EIF3K: variants seen among roughly 807,000 people sequenced by gnomAD.
EIF3K encodes the protein eIF-3 p28.
In EIF3K, 27 loss-of-function variants were observed where a neutral mutation model predicts 34.2. The observed-to-expected ratio is 0.79, with a 90% CI of 0.58 to 1.09. The LOEUF (loss-of-function observed/expected upper bound fraction) is 1.09, where lower values mean the gene tolerates loss of function less well. EIF3K is among the 50% of genes least tolerant of loss of function. EIF3K has a pLI of 0.00. For synonymous variants in EIF3K, 105 were observed against 105.7 expected (o/e 0.99, Z 0.04); for missense variants, 232 against 275.4 (o/e 0.84, Z 1.11).
At chr19:38,627,756 A>C (rs1975978793) in intron 4 of EIF3K, among the ~76,000 whole-genome samples, 1 of 151,694 alleles carries the variant, frequency 6.6e-6, no homozygotes, top group East Asian at 1.9e-4. Context: ...AGAAAGTAAC[A>C]CAGAGGATCC....
chr19:38,636,442 C>T (rs889949200), intron 7 of EIF3K, among the ~76,000 whole-genome samples: 6 of 152,092 alleles, frequency 3.9e-5, no homozygotes, highest in African/African-American at 1.4e-4. Flanking sequence ...AAGATCGCTC[C>T]ACTGCACTAC....
At chr19:38,625,991 T>C (rs538490810) in intron 3 of EIF3K, 37 bp from the exon 4 acceptor site, 1 of 1,608,144 alleles carries the variant, frequency 6.2e-7, no homozygotes, top group Admixed American at 1.7e-5. Flanking sequence ...AACCTTACGC[T>C]CCGAGGCCAG....
At chr19:38,629,605 T>G (rs1976019324) in intron 4 of EIF3K, among the ~76,000 whole-genome samples, 1 of 152,168 alleles carries the variant, frequency 6.6e-6, no homozygotes, top group Non-Finnish European at 1.5e-5. Context: ...CAAATCTGGA[T>G]TTCTGCCCAC....
At chr19:38,633,482 G>A (rs904213756) in intron 6 of EIF3K, among the ~76,000 whole-genome samples, 7 of 152,208 alleles carry the variant, frequency 4.6e-5, no homozygotes, top group African/African-American at 1.7e-4. Flanking sequence ...CGGATCATCT[G>A]TGGTCAGGAG....
At chr19:38,632,558 C>CG in intron 5 of EIF3K, 43 bp from the exon 6 acceptor site, 2 of 1,613,474 alleles carry the variant, frequency 1.2e-6, no homozygotes, top group Admixed American at 1.7e-5. Context: ...CAGCCAGGTC[C>CG]GGGGGGACAG....
chr19:38,632,764 G>C (rs1467067800), intron 6 of EIF3K, 86 bp downstream of exon 6: 20 of 1,289,094 alleles, frequency 1.6e-5, no homozygotes, highest in Non-Finnish European at 2.1e-5. Context: ...CAACAGGCCT[G>C]TCTGGGTCTC....
chr19:38,620,765 A>G (rs1035671257), intron 2 of EIF3K, among the ~76,000 whole-genome samples: 5 of 152,062 alleles, frequency 3.3e-5, no homozygotes. Flanking sequence ...GTGGTGCCAC[A>G]TGCCTGTAAT....
At position 38,634,732 on chromosome 19, in the gene EIF3K, CAG is replaced by C. The variant is rs570869625; in HGVS notation, c.500-258_500-257del. On this transcript the variant is annotated intron_variant, in intron 6 of 7. Transcript: ENST00000248342. ...CCAAAATTTGCCCAGGGAGAGAAAA[CAG>C]AGGAATAGAAATTAAGGCAGAAGCC... Among the ~76,000 whole-genome samples the C allele has an allele frequency of 3.1e-3, 475 of 152,188 alleles. 2 individuals are homozygous for C. The highest frequency in any genetic ancestry group is 0.01 in the African/African-American group (430 of 41,526).
At chr19:38,623,351 T>A (rs1975882882) in intron 2 of EIF3K, among the ~76,000 whole-genome samples, 1 of 152,226 alleles carries the variant, frequency 6.6e-6, no homozygotes, top group African/African-American at 2.4e-5. Flanking sequence ...GTATTTTTAG[T>A]AGAGACAGGG....
chr19:38,635,327 C>T (rs1976166752), intron 7 of EIF3K: 4 of 689,496 alleles, frequency 5.8e-6, no homozygotes, highest in Non-Finnish European at 9.6e-6. Flanking sequence ...AACTTCTAGG[C>T]CCTGTGTCCT....
At position 38,619,392 on chromosome 19, in the gene EIF3K, A is replaced by T. The variant is rs1055283435; in HGVS notation, c.59+65A>T. On this transcript the variant is annotated intron_variant, in intron 1 of 7. Coordinates refer to ENST00000248342, the MANE Select transcript of EIF3K (RefSeq NM_013234.4). ...GCGGAGGAGAGGGTTTTCCGGAGAC[A>T]GCAAGGGGTGTTCAGGGTCCTGGGC... 1.9e-6 allele frequency: 3 copies of T among 1,584,960 alleles called. No individual in the cohort carries two copies. In the African/African-American group the frequency reaches 4.0e-5, roughly 21 times the overall value.
chr19:38,634,907 C>T, intron 6 of EIF3K, 86 bp from the exon 7 acceptor site: 1 of 1,583,066 alleles, frequency 6.3e-7, no homozygotes, highest in East Asian at 2.3e-5. Flanking sequence ...CCCTGGCTTC[C>T]TGAGCCATGA....
intron 4 of EIF3K, among the ~76,000 whole-genome samples, chr19:38,631,799 G>A (rs1320980266): frequency 1.3e-5 from 2 of 152,184 alleles, no homozygotes; most frequent in Non-Finnish European, 2.9e-5. Context: ...AGGTCCCTGC[G>A]GTCTTCCGCA....
intron 1 of EIF3K, 131 bp downstream of exon 1, chr19:38,619,458 G>A: frequency 1.0e-6 from 1 of 1,002,736 alleles, no homozygotes. Flanking sequence ...TGGAGGAGGA[G>A]ATGCTTAAAG....
intron 6 of EIF3K, chr19:38,632,897 G>T (rs1453858396): frequency 2.0e-6 from 1 of 506,392 alleles, no homozygotes; most frequent in Non-Finnish European, 3.5e-6. Flanking sequence ...AGTGCCTACC[G>T]TGTGTCAGTG....
intron 2 of EIF3K, 112 bp downstream of exon 2, chr19:38,620,547 G>A: frequency 1.1e-6 from 1 of 914,580 alleles, no homozygotes; most frequent in Non-Finnish European, 1.7e-6. Context: ...AGCATCTCTT[G>A]GTGTGCAAGA....
intron 7 of EIF3K, chr19:38,635,862 A>G (rs1976180013): frequency 6.6e-6 from 1 of 152,260 alleles, no homozygotes; most frequent in Admixed American, 6.5e-5. Flanking sequence ...CACTGAGCAG[A>G]TGTCCTGGAG....
At chr19:38,635,152 C>A (rs1976163370) in intron 7 of EIF3K, 34 bp downstream of exon 7, 1 of 1,613,642 alleles carries the variant, frequency 6.2e-7, no homozygotes, top group Admixed American at 1.7e-5. Flanking sequence ...GGCTTTGGGG[C>A]TAAGGGGGTG....
chr19:38,634,766 TG>T (rs1234145897), intron 6 of EIF3K, among the ~76,000 whole-genome samples: 1 of 152,154 alleles, frequency 6.6e-6, no homozygotes, highest in East Asian at 1.9e-4. Flanking sequence ...AGCCCCACGA[TG>T]AGGCTGAAAG....
Sources: allele counts gnomAD v4.1 joint callset (sites outside exome capture counted in the v4.1 genomes callset), GRCh38; gene constraint gnomAD v4.1.1; transcripts MANE v1.5; gene names NCBI Gene and HGNC (gene_info 2026-07-23, HGNC 2026-07-21).